The following OR5H14 variants were observed in gnomAD, a reference collection of about 807,000 sequenced individuals.
The protein encoded by OR5H14 is olfactory receptor family 5 subfamily H member 14.
For missense variants in OR5H14, 392 were observed against 363.9 expected (o/e 1.08, Z -0.63); for synonymous variants, 155 against 130.6 (o/e 1.19, Z -1.28).
chr3:98,150,234 T>G lies in OR5H14; in HGVS notation c.849T>G (p.Pro283=). The G allele has an allele frequency of 6.2e-7, 1 of 1,611,250 alleles. No individual in the cohort carries two copies. The highest frequency in any genetic ancestry group is 1.1e-5 in the South Asian group (1 of 90,550). The change falls in exon 2 of 2, where the codon CCT becomes CCG. Residue 283 remains proline, a synonymous_variant. Transcript: ENST00000641380. The part of the protein sequence containing the change: ...MESLFYTVIV[P]LLNPMIYSLR... Reference sequence around the variant, plus strand: ...CTCTATTTTACACTGTCATAGTTCCTTTATTAAATCCCATGATCTACAGCC... The same window carrying G: ...CTCTATTTTACACTGTCATAGTTCCGTTATTAAATCCCATGATCTACAGCC...
At chr3:98,148,291 A>G (rs1471867953) in intron 1 of OR5H14, among the ~76,000 whole-genome samples, 1 of 152,066 alleles carries the variant, frequency 6.6e-6, no homozygotes, top group Non-Finnish European at 1.5e-5. Context: ...TACCAGACAT[A>G]TGTCCACTTT....
chr3:98,153,000 T>G lies in OR5H14; in HGVS notation c.*2682T>G, dbSNP rs1366670653. ...ACACTCAGGCACATGGAGCACTTTC[T>G]CACCACCAGAGCTTGTCTTTGTCTC... On this transcript the variant is annotated 3_prime_UTR_variant, in exon 2 of 2. Coordinates refer to ENST00000641380, the MANE Select transcript of OR5H14 (RefSeq NM_001005514.2). The G allele has an allele frequency of 6.6e-6, 1 of 152,152 alleles. No homozygotes were observed. Among genetic ancestry groups the G allele is most frequent in the African/African-American group, 2.4e-5 (1 of 41,420 alleles). 9.4% of individuals were successfully genotyped at this position (152,152 alleles called of 1,614,324 possible).
chr3:98,150,007 G>A lies in OR5H14; in HGVS notation c.622G>A (p.Val208Ile), dbSNP rs755392269. 2 of 1,612,898 alleles carry A rather than the reference G, an allele frequency of 1.2e-6. No homozygotes were observed. Among genetic ancestry groups the A allele is most frequent in the African/African-American group, 2.7e-5 (2 of 74,802 alleles). ...TTTTATTTTTGCAGGTTCAATTCAA[G>A]TTTTTACCATAGGGACTGTTCTTAT... is the stretch of plus-strand genomic sequence containing the variant. ...MVFIFAGSIQ[V>I]FTIGTVLISY... The change falls in exon 2 of 2, where the codon GTT (valine) becomes ATT (isoleucine). Residue 208 changes from valine (V) to isoleucine (I), a missense_variant. Transcript: ENST00000641380.
At position 98,147,488 on chromosome 3, in the gene OR5H14, G is replaced by T. The variant is rs1364778250; in HGVS notation, c.-85G>T. 1 of 151,678 alleles carries T rather than the reference G, an allele frequency of 6.6e-6. No individual in the cohort carries two copies. Among genetic ancestry groups the T allele is most frequent in the African/African-American group, 2.4e-5 (1 of 41,284 alleles). The allele number at this position is 151,678 out of a possible 1,614,324, so 9.4% of individuals were successfully genotyped here. A position where few individuals can be genotyped will look rare whatever the true frequency, so the allele number is the denominator to read the frequency against. On this transcript the variant is annotated 5_prime_UTR_variant, in exon 1 of 2. Transcript: ENST00000641380. Reference sequence around the variant, plus strand: ...GCTATTAACATCACAGTGTTACTGTGTTTTTTTTCTGTTTTAGAAAGTGTA... The same window carrying T: ...GCTATTAACATCACAGTGTTACTGTTTTTTTTTTCTGTTTTAGAAAGTGTA...
rs1361054407 is a variant in OR5H14 at position 98,150,190 on chromosome 3, G to A, written c.805G>A (p.Asp269Asn). The A allele has an allele frequency of 1.2e-6, 2 of 1,612,952 alleles. No individual in the cohort carries two copies. The highest frequency in any genetic ancestry group is 1.3e-5 in the African/African-American group (1 of 75,000). ...GGGCTCTGCATCCCCACAGGCTGAT[G>A]ACCAAGATATGATGGAGTCTCTATT... ...YMGSASPQADDQDMMESLFYT... is the reference protein window; with the variant it reads ...YMGSASPQADNQDMMESLFYT... The change falls in exon 2 of 2, where the codon GAC becomes AAC. Residue 269 changes from aspartate to asparagine, a missense_variant. Physicochemically the swap from Asp to Asn is conservative, Grantham distance 23. Transcript: ENST00000641380.
At position 98,149,482 on chromosome 3, in the gene OR5H14, G is replaced by T. The variant is rs774245498; in HGVS notation, c.97G>T (p.Val33Leu). 7.4e-6 allele frequency: 12 copies of T among 1,613,288 alleles called. No homozygotes were observed. The highest frequency in any genetic ancestry group is 1.0e-5 in the Non-Finnish European group (12 of 1,179,570). The change falls in exon 2 of 2, where the codon GTA (valine) becomes TTA (leucine). Residue 33 changes from valine to leucine, a missense_variant. Coordinates refer to ENST00000641380, the MANE Select transcript of OR5H14 (RefSeq NM_001005514.2). The stretch of plus-strand genomic sequence containing the variant: ...AATACCCCTGTTCCTGGCATTCTTG[G>T]TAATATATCTCATCACCATCATGGG... ...WKIPLFLAFL[V>L]IYLITIMGNL...
At chr3:98,147,638 A>C (rs1171256242) in intron 1 of OR5H14, 84 bp downstream of exon 1, 1 of 152,120 alleles carries the variant, frequency 6.6e-6, no homozygotes, top group African/African-American at 2.4e-5. Flanking sequence ...ATTTTTGATC[A>C]GGTATACAAG....
intron 1 of OR5H14, chr3:98,148,129 T>C (rs1180226903): frequency 6.6e-6 from 1 of 151,848 alleles, no homozygotes; most frequent in Non-Finnish European, 1.5e-5. Flanking sequence ...AGGATCAGTG[T>C]GTTTCATTTG....
rs140385435 is a variant in OR5H14 at position 98,150,150 on chromosome 3, C to T, written c.765C>T (p.Leu255=). The T allele has an allele frequency of 1.6e-5, 25 of 1,611,904 alleles. No homozygotes were observed. The highest frequency in any genetic ancestry group is 1.8e-4 in the Middle Eastern group (1 of 5,522). The change falls in exon 2 of 2, where the codon CTC becomes CTT. Residue 255 remains leucine, a synonymous_variant. Coordinates refer to ENST00000641380, the MANE Select transcript of OR5H14 (RefSeq NM_001005514.2). ...LLSVSLYYGP[L]AFMYMGSASP... is the part of the protein sequence containing the mutation. The stretch of plus-strand genomic sequence containing the variant: ...CTGTATCTTTATACTATGGGCCCCT[C>T]GCCTTCATGTATATGGGCTCTGCAT...
chr3:98,148,155 T>C (rs946621295), intron 1 of OR5H14: 2 of 151,832 alleles, frequency 1.3e-5, no homozygotes, highest in African/African-American at 4.8e-5. Flanking sequence ...CTAGATCATG[T>C]CCCTTCACTC....
chr3:98,154,390 G>T lies in OR5H14; in HGVS notation c.*4072G>T, dbSNP rs1428784744. On this transcript the variant is annotated 3_prime_UTR_variant, in exon 2 of 2. Coordinates refer to ENST00000641380, the MANE Select transcript of OR5H14 (RefSeq NM_001005514.2). ...TTACTAAATTGATAAAGATCAGGGAGTCCTGGATTATATAATCCTGGAAGA... is the reference window on the plus strand; with the variant it reads ...TTACTAAATTGATAAAGATCAGGGATTCCTGGATTATATAATCCTGGAAGA... 1 of 152,186 alleles carries T rather than the reference G, an allele frequency of 6.6e-6. No homozygotes were observed. Among genetic ancestry groups the T allele is most frequent in the African/African-American group, 2.4e-5 (1 of 41,454 alleles). 9.4% of individuals were successfully genotyped at this position (152,186 alleles called of 1,614,324 possible).
At position 98,153,165 on chromosome 3, in the gene OR5H14, G is replaced by A. The variant is rs1161216984; in HGVS notation, c.*2847G>A. The A allele has an allele frequency of 2.6e-5, 4 of 152,114 alleles. No individual in the cohort carries two copies. Among genetic ancestry groups the A allele is most frequent in the Non-Finnish European group, 4.4e-5 (3 of 68,024 alleles). 9.4% of individuals were successfully genotyped at this position (152,114 alleles called of 1,614,324 possible). A position where few individuals can be genotyped will look rare whatever the true frequency, so the allele number is the denominator to read the frequency against. ...ATGAACTTGCATTTCAGACTCTTGA[G>A]AAAATACAGCATACCAGCAAGATTA... On this transcript the variant is annotated 3_prime_UTR_variant, in exon 2 of 2. Transcript: ENST00000641380.
rs1391620357 is a variant in OR5H14, at chr3:98,150,019, G to C, written c.634G>C (p.Gly212Arg). The C allele has an allele frequency of 1.2e-6, 2 of 1,612,874 alleles. No homozygotes were observed. Among genetic ancestry groups the C allele is most frequent in the African/African-American group, 2.7e-5 (2 of 74,782 alleles). Residue 212 changes from glycine to arginine, a missense_variant, in exon 2 of 2, where the codon GGG becomes CGG. Gly to Arg is a moderately radical substitution (Grantham distance 125). Transcript: ENST00000641380. ...FAGSIQVFTI[G>R]TVLISYIFVL... ...AGGTTCAATTCAAGTTTTTACCATA[G>C]GGACTGTTCTTATATCTTACATATT...
At position 98,154,769 on chromosome 3, in the gene OR5H14, C is replaced by T. The variant is rs80133988; in HGVS notation, c.*4451C>T. 0.18 allele frequency: 26,862 copies of T among 149,750 alleles called. No individual in the cohort carries two copies. Among genetic ancestry groups the T allele is most frequent in the East Asian group, 0.37 (1,868 of 5,052 alleles). The allele number at this position is 149,750 out of a possible 1,614,324, so 9.3% of individuals were successfully genotyped here. A position where few individuals can be genotyped will look rare whatever the true frequency, so the allele number is the denominator to read the frequency against. The stretch of plus-strand genomic sequence containing the variant: ...GGCAGTGCTTCTAATCTCCAAGCTG[C>T]CCTTCTTCATTCCTGAGTGTAGGTC... On this transcript the variant is annotated 3_prime_UTR_variant, in exon 2 of 2. Coordinates refer to ENST00000641380, the MANE Select transcript of OR5H14 (RefSeq NM_001005514.2).
chr3:98,149,787 C>G lies in OR5H14; in HGVS notation c.402C>G (p.Ala134=). 1 of 1,612,636 alleles carries G rather than the reference C, an allele frequency of 6.2e-7. No individual in the cohort carries two copies. Among genetic ancestry groups the G allele is most frequent in the East Asian group, 2.2e-5 (1 of 44,856 alleles). ...VAICKPLLYP[A]IMTNGLCIRL... is the part of the protein sequence containing the mutation. ...TATGCAAACCCTTACTTTATCCAGC[C>G]ATTATGACCAATGGACTGTGCATCC... Residue 134 remains alanine (A), a synonymous_variant, in exon 2 of 2, where the codon GCC becomes GCG. Coordinates refer to ENST00000641380, the MANE Select transcript of OR5H14 (RefSeq NM_001005514.2).
In OR5H14 at chr3:98,149,498, C is replaced by A. The variant is rs143981381; in HGVS notation, c.113C>A (p.Thr38Asn). Residue 38 changes from threonine (T) to asparagine (N), a missense_variant, in exon 2 of 2, where the codon ACC becomes AAC. Transcript: ENST00000641380. ...GCATTCTTGGTAATATATCTCATCACCATCATGGGGAATCTTGGTCTGATT... is the reference window on the plus strand; with the variant it reads ...GCATTCTTGGTAATATATCTCATCAACATCATGGGGAATCTTGGTCTGATT... ...FLAFLVIYLI[T>N]IMGNLGLIAV... The A allele has an allele frequency of 3.1e-6, 5 of 1,613,452 alleles. No individual in the cohort carries two copies. Among genetic ancestry groups the A allele is most frequent in the Non-Finnish European group, 4.2e-6 (5 of 1,179,572 alleles).
intron 1 of OR5H14, among the ~76,000 whole-genome samples, chr3:98,147,766 G>C (rs1708441573): frequency 6.6e-6 from 1 of 151,890 alleles, no homozygotes; most frequent in Non-Finnish European, 1.5e-5. Flanking sequence ...TTCCTTTAAT[G>C]ATATTGTATT....
Position 98,150,442 on chromosome 3 carries a change from CTATGA to C in OR5H14, c.*128_*132del. On this transcript the variant is annotated 3_prime_UTR_variant, in exon 2 of 2. Coordinates refer to ENST00000641380, the MANE Select transcript of OR5H14 (RefSeq NM_001005514.2). Reference sequence around the variant, plus strand: ...ATAACTGTCCTAGCGCTTTAATGACCTATGATATAAGCACCTATTTAACTAATTAA... The same window carrying C: ...ATAACTGTCCTAGCGCTTTAATGACCTATAAGCACCTATTTAACTAATTAA... 1 of 562,494 alleles carries C rather than the reference CTATGA, an allele frequency of 1.8e-6. No individual in the cohort carries two copies. The highest frequency in any genetic ancestry group is 3.0e-6 in the Non-Finnish European group (1 of 328,228). The allele number at this position is 562,494 out of a possible 1,614,324, so 34.8% of individuals were successfully genotyped here. A position where few individuals can be genotyped will look rare whatever the true frequency, so the allele number is the denominator to read the frequency against.
rs1708495102 is a variant in OR5H14, at chr3:98,150,647, T to C, written c.*329T>C. The C allele has an allele frequency of 5.8e-6, 1 of 171,016 alleles. No homozygotes were observed. The allele number at this position is 171,016 out of a possible 1,614,324, so 10.6% of individuals were successfully genotyped here. A position where few individuals can be genotyped will look rare whatever the true frequency, so the allele number is the denominator to read the frequency against. On this transcript the variant is annotated 3_prime_UTR_variant, in exon 2 of 2. Coordinates refer to ENST00000641380, the MANE Select transcript of OR5H14 (RefSeq NM_001005514.2). ...TTATCTGATAAGCACTTAAGTATGA[T>C]GTTTTTGATACTAACACAACTGTAT...
Sources: allele counts gnomAD v4.1 joint callset (sites outside exome capture counted in the v4.1 genomes callset), GRCh38; gene constraint gnomAD v4.1.1; transcripts MANE v1.5; gene names NCBI Gene and HGNC (gene_info 2026-07-23, HGNC 2026-07-21).